PACC1: variants seen among roughly 807,000 people sequenced by gnomAD.
PACC1 encodes proton-activated chloride channel.
In PACC1, 34 loss-of-function variants were observed where a neutral mutation model predicts 39.7. The observed-to-expected ratio is 0.86, with a 90% CI of 0.65 to 1.14. PACC1 has a LOEUF of 1.14. PACC1 is among the 50% of genes most tolerant of loss of function. The pLI, the probability that PACC1 is intolerant of heterozygous loss-of-function variation, is 0.00. For synonymous variants in PACC1, 127 were observed against 160.6 expected (o/e 0.79, Z 1.58); for missense variants, 379 against 436.4 (o/e 0.87, Z 1.17).
intron 1 of PACC1, among the ~76,000 whole-genome samples, chr1:212,411,164 A>T (rs1231853945): frequency 1.3e-5 from 2 of 152,198 alleles, no homozygotes; most frequent in Admixed American, 6.5e-5. Context: ...TTCAACCCAC[A>T]ATATTTTCCA....
At chr1:212,383,335 C>T (rs2102492624) in intron 4 of PACC1, among the ~76,000 whole-genome samples, 1 of 152,326 alleles carries the variant, frequency 6.6e-6, no homozygotes, top group Middle Eastern at 3.4e-3. Context: ...CCTAAGCATA[C>T]ACTTCAACTG....
chr1:212,390,994 C>T (rs1185130092), intron 2 of PACC1, among the ~76,000 whole-genome samples: 1 of 151,118 alleles, frequency 6.6e-6, no homozygotes, highest in Non-Finnish European at 1.5e-5. Context: ...CTGCCTGCCT[C>T]TGTAGGCTCC....
chr1:212,385,563 G>C (rs1661072158), intron 3 of PACC1, 138 bp from the exon 4 acceptor site: 1 of 883,444 alleles, frequency 1.1e-6, no homozygotes, highest in African/African-American at 1.7e-5. Flanking sequence ...AAGGGTTTCA[G>C]AGGGTGAGGA....
chr1:212,382,043 T>A (rs1403170493), intron 4 of PACC1, among the ~76,000 whole-genome samples: 1 of 102,782 alleles, frequency 9.7e-6, no homozygotes, highest in Non-Finnish European at 2.0e-5. Flanking sequence ...GGAGTGTTCT[T>A]GTTTTTTTTT....
chr1:212,377,539 C>G lies in PACC1; in HGVS notation c.783+23G>C, dbSNP rs754302150. The stretch of plus-strand genomic sequence containing the variant: ...AATGTGGAAAAGTCACCAGCAGTTT[C>G]AAGCAAACCCAGAGCCACCTACCTC... On this transcript the variant is annotated intron_variant, in intron 6 of 7. Coordinates refer to ENST00000261455, the MANE Select transcript of PACC1 (RefSeq NM_018252.3). 4 of 1,613,150 alleles carry G rather than the reference C, an allele frequency of 2.5e-6. No homozygotes were observed. The Admixed American group carries it at 6.7e-5, about 27-fold the overall frequency.
At chr1:212,380,673 G>C (rs932380462) in intron 4 of PACC1, among the ~76,000 whole-genome samples, 1 of 152,060 alleles carries the variant, frequency 6.6e-6, no homozygotes, top group African/African-American at 2.4e-5. Flanking sequence ...ATTCCATGCA[G>C]AACCAATATC....
At chr1:212,407,091 T>C (rs1661945385) in intron 2 of PACC1, among the ~76,000 whole-genome samples, 1 of 152,162 alleles carries the variant, frequency 6.6e-6, no homozygotes, top group African/African-American at 2.4e-5. Context: ...GGGCAGCAAA[T>C]GGGACTAAGG....
intron 2 of PACC1, among the ~76,000 whole-genome samples, chr1:212,400,121 C>G (rs1047496473): frequency 6.6e-6 from 1 of 152,128 alleles, no homozygotes; most frequent in East Asian, 1.9e-4. Context: ...GCTGGGATTA[C>G]AGGGATGAGC....
chr1:212,409,823 C>T (rs1157662970), intron 2 of PACC1, among the ~76,000 whole-genome samples: 1 of 152,164 alleles, frequency 6.6e-6, no homozygotes, highest in African/African-American at 2.4e-5. Context: ...CTGGGTAGAA[C>T]TGTCTATGAG....
chr1:212,414,204 A>G (rs1662242873), intron 1 of PACC1: 6 of 1,081,472 alleles, frequency 5.5e-6, no homozygotes, highest in Non-Finnish European at 7.6e-6. Flanking sequence ...CACTTTTTCA[A>G]AGTTAGGTGG....
At chr1:212,374,015 G>A (rs1330709999) in intron 7 of PACC1, among the ~76,000 whole-genome samples, 1 of 149,274 alleles carries the variant, frequency 6.7e-6, no homozygotes, top group Non-Finnish European at 1.5e-5. Flanking sequence ...ATTGCTGGGT[G>A]CATATCCAAA....
chr1:212,393,084 A>G (rs903179707), intron 2 of PACC1, among the ~76,000 whole-genome samples: 1 of 152,212 alleles, frequency 6.6e-6, no homozygotes, highest in African/African-American at 2.4e-5. Context: ...CACCAAGCAG[A>G]TCTAACAGAC....
intron 1 of PACC1, chr1:212,414,062 G>A (rs751786842): frequency 1.2e-4 from 191 of 1,534,944 alleles, no homozygotes; most frequent in Non-Finnish European, 1.4e-5. Context: ...TTGCTTGAAG[G>A]AAGCGCTGGA....
chr1:212,365,835 T>C (rs764835776), intron 7 of PACC1, among the ~76,000 whole-genome samples: 3 of 152,232 alleles, frequency 2.0e-5, no homozygotes, highest in African/African-American at 4.8e-5. Flanking sequence ...CAATATTTAA[T>C]TTTGTGGCCT....
At chr1:212,381,890 C>T (rs1019728915) in intron 4 of PACC1, among the ~76,000 whole-genome samples, 35 of 152,344 alleles carry the variant, frequency 2.3e-4, no homozygotes, top group East Asian at 1.2e-3. Context: ...CTGCCCACTA[C>T]GCCACACGGC....
rs886730477 is a variant in PACC1 at position 212,414,626 on chromosome 1, G to A, written c.36+96C>T. On this transcript the variant is annotated intron_variant, in intron 1 of 7. Coordinates refer to ENST00000261455, the MANE Select transcript of PACC1 (RefSeq NM_018252.3). ...CGGTCCCTCGGAAGAGCCCTCTGCC[G>A]CGCAGCCCCGACACCCCCCGCCCCG... 13 of 1,473,696 alleles carry A rather than the reference G, an allele frequency of 8.8e-6. No individual in the cohort carries two copies. The Admixed American group carries it at 9.2e-5, about 10-fold the overall frequency. 91.3% of individuals were successfully genotyped at this position (1,473,696 alleles called of 1,614,324 possible).
rs1480183497 is a variant in PACC1, at chr1:212,363,934, T to C, written c.*1281A>G. On this transcript the variant is annotated 3_prime_UTR_variant, in exon 8 of 8. Coordinates refer to ENST00000261455, the MANE Select transcript of PACC1 (RefSeq NM_018252.3). ...AGAAAAGTGGCAGGGAATATTTCTT[T>C]ATACAGTTCACTTTTAATCATTCAT... 6.6e-6 allele frequency: 1 copy of C among 152,210 alleles called. No homozygotes were observed. Among genetic ancestry groups the C allele is most frequent in the Non-Finnish European group, 1.5e-5 (1 of 68,038 alleles). The allele number at this position is 152,210 out of a possible 1,614,324, so 9.4% of individuals were successfully genotyped here.
rs950558276 is a variant in PACC1 at position 212,413,933 on chromosome 1, G to C, written c.36+789C>G. ...CTGACTTTGGCCAATGAGGCGGCAC[G>C]ATGGAGGGGCACAGAAGAGGACGGT... On this transcript the variant is annotated intron_variant, in intron 1 of 7. Transcript: ENST00000261455. 4 of 1,535,354 alleles carry C rather than the reference G, an allele frequency of 2.6e-6. No individual in the cohort carries two copies. The African/African-American group carries it at 5.5e-5, about 21-fold the overall frequency.
At chr1:212,411,275 G>C (rs570411905) in intron 1 of PACC1, among the ~76,000 whole-genome samples, 1 of 152,318 alleles carries the variant, frequency 6.6e-6, no homozygotes, top group South Asian at 2.1e-4. Flanking sequence ...GAGGAAATAC[G>C]GCTTAGAGTC....
Sources: allele counts gnomAD v4.1 joint callset (sites outside exome capture counted in the v4.1 genomes callset), GRCh38; gene constraint gnomAD v4.1.1; transcripts MANE v1.5; gene names NCBI Gene and HGNC (gene_info 2026-07-23, HGNC 2026-07-21).